RGMA: variants seen among roughly 807,000 people sequenced by gnomAD.
RGMA encodes repulsive guidance molecule A.
RGMA carries 10 observed loss-of-function variants against 23.2 expected under a neutral mutation model. The ratio of observed to expected loss-of-function variants is 0.43; its 90% CI spans 0.27 to 0.73. The LOEUF is 0.73. RGMA is among the 30% of genes least tolerant of loss of function. The pLI is 0.20. For synonymous variants in RGMA, 308 were observed against 279.3 expected (o/e 1.10, Z -1.03); for missense variants, 547 against 630.5 (o/e 0.87, Z 1.42).
chr15:93,078,495 C>T (rs2141846089), intron 1 of RGMA, among the ~76,000 whole-genome samples: 1 of 152,280 alleles, frequency 6.6e-6, no homozygotes, highest in Non-Finnish European at 1.5e-5. Flanking sequence ...CTTCAAATTC[C>T]TCTTTCAGAC....
chr15:93,064,396 G>A (rs1895072468), intron 2 of RGMA, among the ~76,000 whole-genome samples: 1 of 152,264 alleles, frequency 6.6e-6, no homozygotes, highest in African/African-American at 2.4e-5. Flanking sequence ...CCTGAGTCTA[G>A]GGCTGGCGCT....
Position 93,044,369 on chromosome 15 carries a change from A to C in RGMA, c.*629T>G, listed in dbSNP as rs1314261157. 1 of 153,276 alleles carries C rather than the reference A, an allele frequency of 6.5e-6. No homozygotes were observed. Among genetic ancestry groups the C allele is most frequent in the African/African-American group, 2.4e-5 (1 of 41,490 alleles). 9.5% of individuals were successfully genotyped at this position (153,276 alleles called of 1,614,324 possible). The stretch of plus-strand genomic sequence containing the variant: ...ACCTGCACTGGTACCCACAGCAGCC[A>C]GGTGAACATGGGCAGGGAGGCCACA... On this transcript the variant is annotated 3_prime_UTR_variant, in exon 4 of 4. Transcript: ENST00000329082.
intron 1 of RGMA, among the ~76,000 whole-genome samples, chr15:93,079,578 G>A (rs1001774598): frequency 1.3e-5 from 2 of 152,188 alleles, no homozygotes; most frequent in African/African-American, 4.8e-5. Flanking sequence ...CCGGCACTTT[G>A]GGAGGCCGAG....
chr15:93,046,843 A>C (rs2054831600), intron 3 of RGMA, among the ~76,000 whole-genome samples: 1 of 152,146 alleles, frequency 6.6e-6, no homozygotes, highest in Admixed American at 6.5e-5. Flanking sequence ...TTTCTGCTGG[A>C]GCCTGTGGCC....
chr15:93,047,651 T>C (rs1881839), intron 3 of RGMA, among the ~76,000 whole-genome samples: 151,869 of 152,118 alleles, frequency 1, 75,810 homozygotes, highest in Middle Eastern at 1. Flanking sequence ...CACCCCAACC[T>C]GGCCTCAGAG....
intron 1 of RGMA, chr15:93,088,285 G>C: frequency 7.1e-6 from 7 of 985,478 alleles, no homozygotes; most frequent in Non-Finnish European, 8.4e-6. Context: ...TTGTACCCTG[G>C]GTTGAGCTGC....
At chr15:93,046,813 G>A (rs1341825715) in intron 3 of RGMA, among the ~76,000 whole-genome samples, 1 of 150,432 alleles carries the variant, frequency 6.6e-6, no homozygotes, top group African/African-American at 2.4e-5. Context: ...CCTTGGCCGG[G>A]GCTGGAGCAG....
At chr15:93,081,615 T>C (rs1429666642) in intron 1 of RGMA, among the ~76,000 whole-genome samples, 3 of 152,224 alleles carry the variant, frequency 2.0e-5, no homozygotes, top group Non-Finnish European at 4.4e-5. Flanking sequence ...GAACCATTTA[T>C]CCACCAAATG....
intron 2 of RGMA, among the ~76,000 whole-genome samples, chr15:93,052,824 G>T (rs538658775): frequency 2.0e-5 from 3 of 152,200 alleles, no homozygotes; most frequent in Non-Finnish European, 4.4e-5. Flanking sequence ...AGGCCACCCT[G>T]GGGCCGCTGA....
chr15:93,071,460 C>G (rs1229333611), intron 2 of RGMA, among the ~76,000 whole-genome samples: 1 of 152,208 alleles, frequency 6.6e-6, no homozygotes, highest in Non-Finnish European at 1.5e-5. Context: ...AGATCCCTCA[C>G]CCGACATCTT....
chr15:93,047,692 G>A (rs983895638), intron 3 of RGMA, among the ~76,000 whole-genome samples: 1 of 152,180 alleles, frequency 6.6e-6, no homozygotes, highest in African/African-American at 2.4e-5. Context: ...CTGAGCAAGG[G>A]GGAGCTGCTG....
At chr15:93,053,297 A>G (rs555124185) in intron 2 of RGMA, among the ~76,000 whole-genome samples, 5 of 152,358 alleles carry the variant, frequency 3.3e-5, no homozygotes, top group African/African-American at 1.2e-4. Flanking sequence ...TCTTCTCAAC[A>G]CACAGAACCT....
chr15:93,053,284 T>TTA (rs1488553083), intron 2 of RGMA, among the ~76,000 whole-genome samples: 20 of 152,334 alleles, frequency 1.3e-4, no homozygotes, highest in South Asian at 6.2e-4. Flanking sequence ...TTAACACACC[T>TTA]TATCTTCTCA....
rs770055915 is a variant in RGMA at position 93,051,997 on chromosome 15, C to G, written c.641G>C (p.Ser214Thr). Reference protein sequence around the residue: ...VLPGSAATATSKLTIIFKNFQ... With the variant: ...VLPGSAATATTKLTIIFKNFQ... ...CAGCCGCCCCCTCCCCCTTACCTTG[C>G]TGGTGGCAGTGGCCGCTGAGCCGGG... is the stretch of plus-strand genomic sequence containing the variant. The change falls in exon 3 of 4, where the codon AGC becomes ACC. Residue 214 changes from serine to threonine, a missense_variant. Transcript: ENST00000329082. 3.3e-5 allele frequency: 52 copies of G among 1,599,876 alleles called. No individual in the cohort carries two copies. Among genetic ancestry groups the G allele is most frequent in the Non-Finnish European group, 4.3e-5 (51 of 1,174,682 alleles).
intron 2 of RGMA, 101 bp from the exon 3 acceptor site, chr15:93,052,608 T>A (rs2054946369): frequency 7.7e-7 from 1 of 1,303,798 alleles, no homozygotes; most frequent in Non-Finnish European, 1.0e-6. Context: ...TCGCCTCATC[T>A]AGGGCAGAGC....
At chr15:93,066,530 G>A (rs771604099) in intron 2 of RGMA, 8 of 486,402 alleles carry the variant, frequency 1.6e-5, no homozygotes, top group Admixed American at 5.0e-5. Context: ...CCCTGCCACC[G>A]CCCTCCCCGC....
chr15:93,079,687 G>A (rs1366983493), intron 1 of RGMA, among the ~76,000 whole-genome samples: 1 of 152,182 alleles, frequency 6.6e-6, no homozygotes, highest in East Asian at 1.9e-4. Context: ...AGGCATGGCA[G>A]TGGGCACCTG....
rs2141786983 is a variant in RGMA, at chr15:93,044,075, CGGGCTGG to C, written c.*916_*922del. 1 of 152,570 alleles carries C rather than the reference CGGGCTGG, an allele frequency of 6.6e-6. No homozygotes were observed. Among genetic ancestry groups the C allele is most frequent in the South Asian group, 2.1e-4 (1 of 4,830 alleles). 9.5% of individuals were successfully genotyped at this position (152,570 alleles called of 1,614,324 possible). ...CCCCAGACTCCAGACGTGGATGGAC[CGGGCTGG>C]GGGCTCTTGGGGTTGTGAGGAGGAA... On this transcript the variant is annotated 3_prime_UTR_variant, in exon 4 of 4. Transcript: ENST00000329082.
At chr15:93,066,702 T>C in intron 2 of RGMA, 1 of 368,376 alleles carries the variant, frequency 2.7e-6, no homozygotes, top group South Asian at 2.0e-5. Context: ...TTTTATATTT[T>C]TGGTAGAGAC....
Sources: allele counts gnomAD v4.1 joint callset (sites outside exome capture counted in the v4.1 genomes callset), GRCh38; gene constraint gnomAD v4.1.1; transcripts MANE v1.5; gene names NCBI Gene and HGNC (gene_info 2026-07-23, HGNC 2026-07-21).